The following SESTD1 variants were observed in gnomAD, a reference collection of about 807,000 sequenced individuals.
SESTD1 encodes SEC14 domain and spectrin repeat-containing protein 1.
A neutral mutation model predicts 101.7 loss-of-function variants in SESTD1; 43 were observed. The ratio of observed to expected loss-of-function variants is 0.42; its 90% confidence interval spans 0.33 to 0.55. The LOEUF is 0.55. SESTD1 is among the 20% of genes least tolerant of loss of function. The probability of loss-of-function intolerance (pLI) is 0.07; values close to 1 mark genes in which losing one functional copy is unlikely to be tolerated. For missense variants in SESTD1, 647 were observed against 815.1 expected (o/e 0.79, Z 2.51); for synonymous variants, 283 against 286.8 (o/e 0.99, Z 0.13).
intron 1 of SESTD1, among the ~76,000 whole-genome samples, chr2:179,233,014 T>C (rs1343541265): frequency 2.0e-5 from 3 of 152,054 alleles, no homozygotes; most frequent in Admixed American, 2.0e-4. Context: ...TAATGCTTAA[T>C]ATACTCAAAG....
chr2:179,153,237 TTA>T (rs1165009349), intron 5 of SESTD1, among the ~76,000 whole-genome samples: 1 of 152,164 alleles, frequency 6.6e-6, no homozygotes, highest in African/African-American at 2.4e-5. Context: ...ATTAGATTCT[TTA>T]TGTTTTCAGT....
chr2:179,151,706 G>A (rs960322422), intron 5 of SESTD1, among the ~76,000 whole-genome samples: 5 of 152,014 alleles, frequency 3.3e-5, no homozygotes, highest in African/African-American at 7.2e-5. Flanking sequence ...ATGCAATGAA[G>A]TAATAAAAAA....
intron 17 of SESTD1, among the ~76,000 whole-genome samples, chr2:179,111,011 C>G (rs937791181): frequency 2.0e-5 from 3 of 152,098 alleles, no homozygotes; most frequent in African/African-American, 7.2e-5. Flanking sequence ...GAAGCTGAAG[C>G]AAGCATACCA....
At chr2:179,197,829 C>T (rs186843804) in intron 1 of SESTD1, among the ~76,000 whole-genome samples, 2 of 152,216 alleles carry the variant, frequency 1.3e-5, no homozygotes, top group Admixed American at 6.5e-5. Context: ...TGGAAAGGAA[C>T]AACCGGTACC....
chr2:179,225,272 G>GT (rs746203623), intron 1 of SESTD1, among the ~76,000 whole-genome samples: 2 of 151,630 alleles, frequency 1.3e-5, no homozygotes, highest in Non-Finnish European at 1.5e-5. Flanking sequence ...ACAACTTAGG[G>GT]TTTTTTTTCC....
At chr2:179,195,679 C>T (rs1454595044) in intron 1 of SESTD1, among the ~76,000 whole-genome samples, 3 of 152,100 alleles carry the variant, frequency 2.0e-5, no homozygotes, top group East Asian at 1.9e-4. Context: ...AGAACTCACA[C>T]AGCAAATGAA....
chr2:179,231,129 C>T (rs1410711951), intron 1 of SESTD1, among the ~76,000 whole-genome samples: 1 of 152,110 alleles, frequency 6.6e-6, no homozygotes, highest in African/African-American at 2.4e-5. Context: ...TGCAGGAACT[C>T]AAGGAAAATT....
intron 15 of SESTD1, 118 bp downstream of exon 15, chr2:179,116,550 C>T: frequency 6.6e-7 from 1 of 1,509,324 alleles, no homozygotes; most frequent in South Asian, 1.1e-5. Flanking sequence ...AATTCTGTGA[C>T]ACTTCTGGAA....
At chr2:179,166,051 C>T (rs990768089) in intron 5 of SESTD1, among the ~76,000 whole-genome samples, 1 of 152,074 alleles carries the variant, frequency 6.6e-6, no homozygotes, top group African/African-American at 2.4e-5. Context: ...ACTTGCTTAC[C>T]TGGGAAAAAT....
At chr2:179,224,241 C>T (rs10208593) in intron 1 of SESTD1, among the ~76,000 whole-genome samples, 10 of 151,924 alleles carry the variant, frequency 6.6e-5, no homozygotes, top group African/African-American at 2.2e-4. Flanking sequence ...CGATCCTAAT[C>T]GCTTTCTGTG....
chr2:179,153,783 C>T (rs1441311110), intron 5 of SESTD1, among the ~76,000 whole-genome samples: 2 of 151,974 alleles, frequency 1.3e-5, no homozygotes, highest in Non-Finnish European at 2.9e-5. Flanking sequence ...ATGGTTGTGA[C>T]GAAAGGACAT....
chr2:179,146,386 A>AT lies in SESTD1; in HGVS notation c.637+15dup, dbSNP rs755494601. On this transcript the variant is annotated intron_variant, in intron 8 of 17. Transcript: ENST00000428443. ...GGTTTACTGGATTATTATCACAAAT[A>AT]TTTTTTAAATCTTACCTGTCTGAAG... The AT allele has an allele frequency of 6.9e-6, 11 of 1,596,120 alleles. No homozygotes were observed. The highest frequency in any genetic ancestry group is 9.4e-6 in the Non-Finnish European group (11 of 1,167,126).
intron 1 of SESTD1, among the ~76,000 whole-genome samples, chr2:179,229,122 C>G (rs113290775): frequency 8.5e-5 from 13 of 152,312 alleles, no homozygotes; most frequent in African/African-American, 3.1e-4. Flanking sequence ...GTAAATTTCA[C>G]GTGTTAACTT....
At chr2:179,161,744 T>C (rs988808040) in intron 5 of SESTD1, among the ~76,000 whole-genome samples, 2 of 152,222 alleles carry the variant, frequency 1.3e-5, no homozygotes, top group Non-Finnish European at 2.9e-5. Flanking sequence ...TTTTAACTTT[T>C]ATACTTTTAA....
At chr2:179,190,916 C>A (rs1212803138) in intron 2 of SESTD1, among the ~76,000 whole-genome samples, 1 of 152,186 alleles carries the variant, frequency 6.6e-6, no homozygotes, top group African/African-American at 2.4e-5. Flanking sequence ...TGCGTATACA[C>A]TGTTGGTGGT....
At chr2:179,210,260 AAAG>A (rs143999514) in intron 1 of SESTD1, among the ~76,000 whole-genome samples, 17,343 of 134,400 alleles carry the variant, frequency 0.13, 6,350 homozygotes, top group African/African-American at 0.49. Flanking sequence ...TCAAACATTC[AAAG>A]AAGAATTGGT....
At position 179,263,544 on chromosome 2, in the gene SESTD1, T is replaced by C. The variant is rs913802062; in HGVS notation, c.-26+955A>G. On this transcript the variant is annotated intron_variant, in intron 1 of 17. Coordinates refer to ENST00000428443, the MANE Select transcript of SESTD1 (RefSeq NM_178123.5). ...ATGCTGGGATACATAGTGGGCATGC[T>C]TGACACAAGCAAAACGTGAAGTAAG... is the stretch of plus-strand genomic sequence containing the variant. Among the ~76,000 whole-genome samples the C allele has an allele frequency of 5.9e-5, 9 of 152,270 alleles. No homozygotes were observed. In the South Asian group the frequency reaches 8.3e-4, roughly 14 times the overall value.
chr2:179,245,847 T>C lies in SESTD1; in HGVS notation c.-26+18652A>G, dbSNP rs2047221969. Among the ~76,000 whole-genome samples, 3 of 152,188 alleles carry C rather than the reference T, an allele frequency of 2.0e-5. No individual in the cohort carries two copies. The South Asian group carries it at 6.2e-4, about 32-fold the overall frequency. The stretch of plus-strand genomic sequence containing the variant: ...CTCTAAATATATTCATTAAAAAACA[T>C]GTTAATAGAGTAGATTAAAAAACAT... On this transcript the variant is annotated intron_variant, in intron 1 of 17. Transcript: ENST00000428443.
chr2:179,154,858 A>C (rs1239840609), intron 5 of SESTD1, among the ~76,000 whole-genome samples: 2 of 152,222 alleles, frequency 1.3e-5, no homozygotes, highest in Non-Finnish European at 2.9e-5. Flanking sequence ...AAATATTTTA[A>C]AACTTGACTG....
Sources: allele counts gnomAD v4.1 joint callset (sites outside exome capture counted in the v4.1 genomes callset), GRCh38; gene constraint gnomAD v4.1.1; transcripts MANE v1.5; gene names NCBI Gene and HGNC (gene_info 2026-07-23, HGNC 2026-07-21).